The following A2ML1 variants were observed in gnomAD, a reference collection of about 807,000 sequenced individuals.
The protein encoded by A2ML1 is alpha-2-macroglobulin like 1, also known as alpha-2-macroglobulin-like protein 1.
Under a neutral mutation model 181.9 loss-of-function variants are expected in A2ML1, and 161 were observed. The ratio of observed to expected loss-of-function variants is 0.89; its 90% CI spans 0.78 to 1.01. The LOEUF (loss-of-function observed/expected upper bound fraction) is 1.01. A2ML1 is among the 50% of genes least tolerant of loss of function. A2ML1 has a pLI of 0.00. For missense variants in A2ML1, 1,670 were observed against 1,768.1 expected (o/e 0.94, Z 1.00); for synonymous variants, 663 against 666.8 (o/e 0.99, Z 0.09).
At chr12:8,838,978 G>A (rs1436734953) in intron 9 of A2ML1, 135 bp from the exon 10 acceptor site, 1 of 557,768 alleles carries the variant, frequency 1.8e-6, no homozygotes, top group Non-Finnish European at 3.1e-6. Flanking sequence ...GGGGAGGTGA[G>A]GTTGGTTTGG....
At chr12:8,823,484 T>A (rs904566092) in intron 2 of A2ML1, 119 bp downstream of exon 2, 1 of 1,264,750 alleles carries the variant, frequency 7.9e-7, no homozygotes, top group Admixed American at 2.5e-5. Context: ...CTAAACCTAT[T>A]TTTTCTCAAC....
In A2ML1 at chr12:8,839,115, G is replaced by A. The variant is rs749156731; in HGVS notation, c.973G>A (p.Val325Met). 42 of 1,610,424 alleles carry A rather than the reference G, an allele frequency of 2.6e-5. 1 individual carries two copies. The South Asian group carries it at 4.5e-4, about 17-fold the overall frequency. Residue 325 changes from valine to methionine, a missense_variant and splice_region_variant, in exon 10 of 36, where the codon GTG (valine) becomes ATG (methionine). By Grantham distance (21) the Val-to-Met change is conservative (BLOSUM62 1). Coordinates refer to ENST00000299698, the MANE Select transcript of A2ML1 (RefSeq NM_144670.6). Reference protein sequence around the residue: ...VATVVEEGTGVEANATQNIYI... With the variant: ...VATVVEEGTGMEANATQNIYI... ...ATACATCTGGTTTCCCTCTGCAGGT[G>A]TGGAGGCCAATGCCACTCAGAATAT...
Position 8,868,001 on chromosome 12 carries a change from A to G in A2ML1, c.3877A>G (p.Asn1293Asp). 4 of 1,614,228 alleles carry G rather than the reference A, an allele frequency of 2.5e-6. No individual in the cohort carries two copies. The highest frequency in any genetic ancestry group is 3.4e-6 in the Non-Finnish European group (4 of 1,180,046). The change falls in exon 30 of 36, where the codon AAT becomes GAT. Residue 1293 changes from asparagine to aspartate, a missense_variant. Asn to Asp is a conservative substitution (Grantham distance 23). Transcript: ENST00000299698. ...GGTATTTCAGCAGGATACCCTGCCC[A>G]ATGTCCCTGGAATGTACACGTTGGA... ...RLVFQQDTLP[N>D]VPGMYTLEAS...
intron 29 of A2ML1, 121 bp from the exon 30 acceptor site, chr12:8,867,721 A>G: frequency 2.5e-6 from 2 of 813,052 alleles, no homozygotes; most frequent in Non-Finnish European, 4.0e-6. Flanking sequence ...TTCTCTAAAT[A>G]CTTAAAGAAG....
At chr12:8,862,984 C>T (rs150681358) in intron 28 of A2ML1, among the ~76,000 whole-genome samples, 27 of 152,246 alleles carry the variant, frequency 1.8e-4, no homozygotes, top group African/African-American at 6.3e-4. Context: ...CTTTTGGTCT[C>T]ATTCTATTGG....
intron 33 of A2ML1, among the ~76,000 whole-genome samples, chr12:8,873,625 T>G (rs1944702883): frequency 6.6e-6 from 1 of 152,108 alleles, no homozygotes; most frequent in African/African-American, 2.4e-5. Flanking sequence ...TTTTCAGTAG[T>G]AATAAGTGCT....
At chr12:8,831,370 T>C (rs949946935) in intron 4 of A2ML1, among the ~76,000 whole-genome samples, 4 of 152,198 alleles carry the variant, frequency 2.6e-5, no homozygotes, top group African/African-American at 9.7e-5. Context: ...GTTGATCTCA[T>C]TAACTACCCC....
At chr12:8,870,556 C>G (rs180900663) in intron 33 of A2ML1, among the ~76,000 whole-genome samples, 1 of 152,162 alleles carries the variant, frequency 6.6e-6, no homozygotes, top group Admixed American at 6.5e-5. Flanking sequence ...CGTAAGCCAC[C>G]GCACCCAGCC....
At chr12:8,883,943 G>A (rs916427774) in intron 7 of A2ML1, among the ~76,000 whole-genome samples, 8 of 151,938 alleles carry the variant, frequency 5.3e-5, no homozygotes, top group South Asian at 2.1e-4. Flanking sequence ...CCGCCAACAC[G>A]CCTGGCTAAT....
rs147800768 is a variant in A2ML1 at position 8,834,146 on chromosome 12, T to G, written c.463-516T>G. Among the ~76,000 whole-genome samples, 12 of 152,282 alleles carry G rather than the reference T, an allele frequency of 7.9e-5. No homozygotes were observed. In the East Asian group the frequency reaches 2.3e-3, roughly 29 times the overall value. ...GGTTTCACATCTATTTAGCAACTAC[T>G]GTCTTGAGGAAAGTGATACATGATT... On this transcript the variant is annotated intron_variant, in intron 4 of 35. Coordinates refer to ENST00000299698, the MANE Select transcript of A2ML1 (RefSeq NM_144670.6).
intron 28 of A2ML1, among the ~76,000 whole-genome samples, chr12:8,863,369 G>A (rs1944334559): frequency 6.6e-6 from 1 of 152,066 alleles, no homozygotes; most frequent in South Asian, 2.1e-4. Context: ...GCCTCCCAAA[G>A]TGCTGGATTA....
At position 8,850,281 on chromosome 12, in the gene A2ML1, G is replaced by A. The variant is rs1943845267; in HGVS notation, c.2234+7G>A. 6.2e-7 allele frequency: 1 copy of A among 1,603,164 alleles called. No homozygotes were observed. Among genetic ancestry groups the A allele is most frequent in the Non-Finnish European group, 8.5e-7 (1 of 1,175,380 alleles). On this transcript the variant is annotated splice_region_variant and intron_variant, in intron 18 of 35. Coordinates refer to ENST00000299698, the MANE Select transcript of A2ML1 (RefSeq NM_144670.6). ...GGGATCTGTTTCCTATTGGGTAAGT[G>A]ATGACTCAAAAGTACAGTAAAGGGC...
rs557757767 is a variant in A2ML1 at position 8,826,449 on chromosome 12, ATTTT to A, written c.409+2572_409+2575del. Among the ~76,000 whole-genome samples the A allele has an allele frequency of 1.3e-3, 200 of 151,740 alleles. 2 individuals carry two copies. The highest frequency in any genetic ancestry group is 2.6e-3 in the Non-Finnish European group (177 of 67,890). On this transcript the variant is annotated intron_variant, in intron 3 of 35. Transcript: ENST00000299698. ...TGTTGGCATATAGAAATGTTACTGA[ATTTT>A]TTTTGTTTTTGAGACAGAGTCTCCC...
In A2ML1 at chr12:8,837,299, C is replaced by T. The variant is rs1252865971; in HGVS notation, c.729-141C>T. The T allele has an allele frequency of 1.1e-5, 12 of 1,053,286 alleles. No individual in the cohort carries two copies. The East Asian group carries it at 1.3e-4, about 11-fold the overall frequency. 65.2% of individuals were successfully genotyped at this position (1,053,286 alleles called of 1,614,324 possible). A position where few individuals can be genotyped will look rare whatever the true frequency, so the allele number is the denominator to read the frequency against. Reference sequence around the variant, plus strand: ...CCTCCCAAAGTGCTGGGATTACAGGCGTGAGCCACTGCACTGGCCCAGATT... The same window carrying T: ...CCTCCCAAAGTGCTGGGATTACAGGTGTGAGCCACTGCACTGGCCCAGATT... On this transcript the variant is annotated intron_variant, in intron 7 of 35. Transcript: ENST00000299698.
intron 33 of A2ML1, among the ~76,000 whole-genome samples, chr12:8,874,002 T>C (rs1055049806): frequency 5.9e-5 from 9 of 152,066 alleles, no homozygotes; most frequent in African/African-American, 2.2e-4. Context: ...GAGAATCTTT[T>C]TTTAATTAAA....
chr12:8,842,221 C>CTT (rs763862924), intron 11 of A2ML1, among the ~76,000 whole-genome samples: 4 of 143,116 alleles, frequency 2.8e-5, no homozygotes, highest in African/African-American at 7.7e-5. Flanking sequence ...ATGTTTTTTT[C>CTT]TTTTTTTTTT....
At chr12:8,881,393 G>A (rs1039015028), downstream of A2ML1, among the ~76,000 whole-genome samples, 11 of 152,152 alleles carry the variant, frequency 7.2e-5, no homozygotes, top group South Asian at 4.1e-4. Context: ...TAAATATATC[G>A]GAGGCACTAA....
intron 3 of A2ML1, among the ~76,000 whole-genome samples, chr12:8,829,213 G>A (rs1043287942): frequency 9.2e-5 from 14 of 152,208 alleles, no homozygotes; most frequent in African/African-American, 3.4e-4. Context: ...GTGGTCAATG[G>A]AGGCTTCTAT....
rs745849727 is a variant in A2ML1, at chr12:8,845,868, ATAAAATAAAATAAAATAAAAT to A, written c.1538-208_1538-188del. Among the ~76,000 whole-genome samples, 807 of 103,064 alleles carry A rather than the reference ATAAAATAAAATAAAATAAAAT, an allele frequency of 7.8e-3. 25 individuals are homozygous for A. The highest frequency in any genetic ancestry group is 0.013 in the Non-Finnish European group (631 of 48,144). 67.6% of individuals were successfully genotyped at this position (103,064 alleles called of 152,430 possible). On this transcript the variant is annotated intron_variant, in intron 13 of 35. Transcript: ENST00000299698. ...CCGTCTCAAAAAAAAAAAAAAATAA[ATAAAATAAAATAAAATAAAAT>A]AAAAAAATTCTTATCCACAGAAGTA...
Sources: allele counts gnomAD v4.1 joint callset (sites outside exome capture counted in the v4.1 genomes callset), GRCh38; gene constraint gnomAD v4.1.1; transcripts MANE v1.5; gene names NCBI Gene and HGNC (gene_info 2026-07-23, HGNC 2026-07-21).